The following HOXB13 variants were observed in gnomAD, a reference collection of about 807,000 sequenced individuals.
HOXB13 encodes the protein homeobox protein Hox-B13.
HOXB13 carries 22 observed loss-of-function variants against 23.1 expected under a neutral mutation model. That is an observed-to-expected ratio of 0.95 (90% CI 0.68 to 1.36). HOXB13 has a LOEUF of 1.36. Ranked by LOEUF, HOXB13 falls within the 40% of genes most tolerant of loss-of-function variation. HOXB13 has a pLI of 0.00. For synonymous variants in HOXB13, 173 were observed against 157.9 expected, an observed-to-expected ratio of 1.10 and a Z score of -0.72; for missense variants, 386 against 376.2, an observed-to-expected ratio of 1.03 and a Z score of -0.22.
rs2038235068 is a variant in HOXB13, at chr17:48,728,248, C to T, written c.346G>A (p.Ala116Thr). The change falls in exon 1 of 2, where the codon GCC becomes ACC. Residue 116 changes from alanine to threonine, a missense_variant. Transcript: ENST00000290295. ...GGGCGGCTGGGGTACTCTTCCCCGG[C>T]CGTGGGAGTCTCCGCGGGGTACGCG... ...LAAYPAETPT[A>T]GEEYPSRPTE... The T allele has an allele frequency of 6.2e-7, 1 of 1,614,064 alleles. No individual in the cohort carries two copies. The highest frequency in any genetic ancestry group is 1.1e-5 in the South Asian group (1 of 91,084).
In HOXB13 at chr17:48,726,953, A is replaced by C; in HGVS notation, c.692T>G (p.Leu231Arg). The C allele has an allele frequency of 1.2e-6, 2 of 1,613,578 alleles. No individual in the cohort carries two copies. The highest frequency in any genetic ancestry group is 2.2e-5 in the South Asian group (2 of 91,070). ...CTTGTTAGCCGCATACTCCCGCTCC[A>C]GCTCCCGCAACTGCCCCTTGCTGTA... ...IPYSKGQLRELEREYAANKFI... is the reference protein window; with the variant it reads ...IPYSKGQLREREREYAANKFI... The change falls in exon 2 of 2, where the codon CTG becomes CGG. Residue 231 changes from leucine to arginine, a missense_variant. Physicochemically the swap from Leu to Arg is moderately radical, Grantham distance 102 (BLOSUM62 -2). Coordinates refer to ENST00000290295, the MANE Select transcript of HOXB13 (RefSeq NM_006361.6).
In HOXB13 at chr17:48,728,685, G is replaced by T. The variant is rs375682349; in HGVS notation, c.-92C>A. On this transcript the variant is annotated 5_prime_UTR_variant, in exon 1 of 2. Coordinates refer to ENST00000290295, the MANE Select transcript of HOXB13 (RefSeq NM_006361.6). Reference sequence around the variant, plus strand: ...CACCCAGGCCGGGGGAATCCAAAGCGTTTTAAATCGCTCCCAGCTCGCAAG... The same window carrying T: ...CACCCAGGCCGGGGGAATCCAAAGCTTTTTAAATCGCTCCCAGCTCGCAAG... 1.1e-5 allele frequency: 14 copies of T among 1,252,886 alleles called. No homozygotes were observed. Among genetic ancestry groups the T allele is most frequent in the South Asian group, 1.4e-5 (1 of 73,272 alleles). 77.6% of individuals were successfully genotyped at this position (1,252,886 alleles called of 1,614,324 possible).
In HOXB13 at chr17:48,725,207, T is replaced by C. The variant is rs1180772508; in HGVS notation, c.*1583A>G. ...GAGCGGCGCATGTAACCGAGGACCT[T>C]AAGCTGGACCACGGGGCTTGGACGA... On this transcript the variant is annotated 3_prime_UTR_variant, in exon 2 of 2. Coordinates refer to ENST00000290295, the MANE Select transcript of HOXB13 (RefSeq NM_006361.6). 1 of 152,528 alleles carries C rather than the reference T, an allele frequency of 6.6e-6. No homozygotes were observed. Among genetic ancestry groups the C allele is most frequent in the Non-Finnish European group, 1.5e-5 (1 of 68,240 alleles). The allele number at this position is 152,528 out of a possible 1,614,324, so 9.4% of individuals were successfully genotyped here.
intron 1 of HOXB13, 138 bp from the exon 2 acceptor site, chr17:48,727,181 C>T: frequency 1.8e-6 from 2 of 1,083,636 alleles, no homozygotes; most frequent in Non-Finnish European, 2.6e-6. Flanking sequence ...AATCCTGTTC[C>T]TCCAAAGCAT....
At chr17:48,727,120 A>G in intron 1 of HOXB13, 77 bp from the exon 2 acceptor site, 1 of 1,551,866 alleles carries the variant, frequency 6.4e-7, no homozygotes, top group Non-Finnish European at 8.7e-7. Context: ...TGCAAGCCCC[A>G]AGCTAAGTCA....
rs1038248307 is a variant in HOXB13, at chr17:48,725,732, A to T, written c.*1058T>A. 6.6e-6 allele frequency: 1 copy of T among 152,264 alleles called. No individual in the cohort carries two copies. The highest frequency in any genetic ancestry group is 1.5e-5 in the Non-Finnish European group (1 of 68,118). 9.4% of individuals were successfully genotyped at this position (152,264 alleles called of 1,614,324 possible). ...GCTGCGCGGCCAGGAGATGAGTCCC[A>T]CCGGGCACTGAGCCCAGGTACAGGA... is the stretch of plus-strand genomic sequence containing the variant. On this transcript the variant is annotated 3_prime_UTR_variant, in exon 2 of 2. Coordinates refer to ENST00000290295, the MANE Select transcript of HOXB13 (RefSeq NM_006361.6).
Position 48,728,495 on chromosome 17 carries a change from C to G in HOXB13, c.99G>C (p.Leu33=), listed in dbSNP as rs570672959. The G allele has an allele frequency of 1.9e-6, 3 of 1,613,372 alleles. No individual in the cohort carries two copies. Among genetic ancestry groups the G allele is most frequent in the Admixed American group, 3.3e-5 (2 of 60,014 alleles). The part of the protein sequence containing the change: ...GGRNLVAHSP[L]TSHPAAPTLM... ...GCGTAGGCGCCGCTGGGTGGCTGGT[C>G]AGAGGGGAGTGGGCGACCAGATTCC... The change falls in exon 1 of 2, where the codon CTG becomes CTC. Residue 33 remains leucine (L), a synonymous_variant. Coordinates refer to ENST00000290295, the MANE Select transcript of HOXB13 (RefSeq NM_006361.6).
In HOXB13 at chr17:48,726,914, T is replaced by A. The variant is rs1597932732; in HGVS notation, c.731A>T (p.Asp244Val). 5.0e-6 allele frequency: 8 copies of A among 1,614,056 alleles called. No individual in the cohort carries two copies. The highest frequency in any genetic ancestry group is 6.8e-6 in the Non-Finnish European group (8 of 1,180,016). ...EYAANKFITK[D>V]KRRKISAATS... ...GGCTGCCGAGATCTTGCGCCTCTTGTCCTTGGTGATGAACTTGTTAGCCGC... is the reference window on the plus strand; with the variant it reads ...GGCTGCCGAGATCTTGCGCCTCTTGACCTTGGTGATGAACTTGTTAGCCGC... Residue 244 changes from aspartate (D) to valine (V), a missense_variant, in exon 2 of 2, where the codon GAC becomes GTC. Asp to Val is a radical substitution (Grantham distance 152, BLOSUM62 -3). Coordinates refer to ENST00000290295, the MANE Select transcript of HOXB13 (RefSeq NM_006361.6).
rs778481913 is a variant in HOXB13 at position 48,726,948 on chromosome 17, G to T, written c.697C>A (p.Arg233=). Residue 233 remains arginine, a synonymous_variant, in exon 2 of 2, where the codon CGG becomes AGG. Coordinates refer to ENST00000290295, the MANE Select transcript of HOXB13 (RefSeq NM_006361.6). ...ATGAACTTGTTAGCCGCATACTCCC[G>T]CTCCAGCTCCCGCAACTGCCCCTTG... ...YSKGQLRELE[R]EYAANKFITK... The T allele has an allele frequency of 1.2e-6, 2 of 1,613,612 alleles. No individual in the cohort carries two copies. Among genetic ancestry groups the T allele is most frequent in the Admixed American group, 1.7e-5 (1 of 60,022 alleles).
rs116931900 is a variant in HOXB13, at chr17:48,724,952, G to T, written c.*1838C>A. On this transcript the variant is annotated 3_prime_UTR_variant, in exon 2 of 2. Transcript: ENST00000290295. ...TGTGGCCTTTTTCCTCTCTCCAAGG[G>T]GTCACCCCGCACCATGCCGCTCCCC... 10,089 of 301,366 alleles carry T rather than the reference G, an allele frequency of 0.033. 237 individuals are homozygous for T. Among genetic ancestry groups the T allele is most frequent in the Non-Finnish European group, 0.04 (6,592 of 165,688 alleles). 18.7% of individuals were successfully genotyped at this position (301,366 alleles called of 1,614,324 possible).
rs1201100375 is a variant in HOXB13 at position 48,726,917 on chromosome 17, T to C, written c.728A>G (p.Lys243Arg). Reference sequence around the variant, plus strand: ...TGCCGAGATCTTGCGCCTCTTGTCCTTGGTGATGAACTTGTTAGCCGCATA... The same window carrying C: ...TGCCGAGATCTTGCGCCTCTTGTCCCTGGTGATGAACTTGTTAGCCGCATA... ...REYAANKFIT[K>R]DKRRKISAAT... is the part of the protein sequence containing the mutation. Residue 243 changes from lysine to arginine, a missense_variant, in exon 2 of 2, where the codon AAG (lysine) becomes AGG (arginine). By Grantham distance (26) the Lys-to-Arg change is conservative. Coordinates refer to ENST00000290295, the MANE Select transcript of HOXB13 (RefSeq NM_006361.6). 8 of 1,614,024 alleles carry C rather than the reference T, an allele frequency of 5.0e-6. No homozygotes were observed. Among genetic ancestry groups the C allele is most frequent in the South Asian group, 2.2e-5 (2 of 91,058 alleles).
chr17:48,728,521 GC>G lies in HOXB13; in HGVS notation c.72del (p.Arg25GlyfsTer9), dbSNP rs1214089646. 1 of 1,613,166 alleles carries G rather than the reference GC, an allele frequency of 6.2e-7. No individual in the cohort carries two copies. Among genetic ancestry groups the G allele is most frequent in the Non-Finnish European group, 8.5e-7 (1 of 1,179,916 alleles). Reference protein sequence around the residue: ...DIEGLLGAGGGRNLVAHSPLT... With the variant: ...DIEGLLGAGGXRNLVAHSPLT... Reference sequence around the variant, plus strand: ...AGAGGGGAGTGGGCGACCAGATTCCGCCCCCCTCCCGCTCCCAGCAAGCCTT... The same window carrying G: ...AGAGGGGAGTGGGCGACCAGATTCCGCCCCCTCCCGCTCCCAGCAAGCCTT... On this transcript the variant is annotated frameshift_variant, in exon 1 of 2. Coordinates refer to ENST00000290295, the MANE Select transcript of HOXB13 (RefSeq NM_006361.6). LOFTEE classifies it high-confidence loss of function.
Position 48,726,797 on chromosome 17 carries a change from G to T in HOXB13, c.848C>A (p.Thr283Asn). 2 of 1,614,098 alleles carry T rather than the reference G, an allele frequency of 1.2e-6. No individual in the cohort carries two copies. Reference sequence around the variant, plus strand: ...CCCAGGCAAGGAGATCTCTTAAGGGGTAGCGCTGTTCTTCACCTTGGCGAG... The same window carrying T: ...CCCAGGCAAGGAGATCTCTTAAGGGTTAGCGCTGTTCTTCACCTTGGCGAG... ...KVLAKVKNSATP is the reference protein window; with the variant it reads ...KVLAKVKNSANP Residue 283 changes from threonine to asparagine, a missense_variant, in exon 2 of 2, where the codon ACC becomes AAC. Coordinates refer to ENST00000290295, the MANE Select transcript of HOXB13 (RefSeq NM_006361.6).
In HOXB13 at chr17:48,728,243, C is replaced by G. The variant is rs1597934408; in HGVS notation, c.351G>C (p.Gly117=). ...CAGTGGGGCGGCTGGGGTACTCTTCCCCGGCCGTGGGAGTCTCCGCGGGGT... is the reference window on the plus strand; with the variant it reads ...CAGTGGGGCGGCTGGGGTACTCTTCGCCGGCCGTGGGAGTCTCCGCGGGGT... ...AAYPAETPTA[G]EEYPSRPTEF... The change falls in exon 1 of 2, where the codon GGG becomes GGC. Residue 117 remains glycine, a synonymous_variant. Coordinates refer to ENST00000290295, the MANE Select transcript of HOXB13 (RefSeq NM_006361.6). The G allele has an allele frequency of 1.9e-6, 3 of 1,614,192 alleles. No homozygotes were observed. In the South Asian group the frequency reaches 3.3e-5, roughly 18 times the overall value.
Position 48,726,731 on chromosome 17 carries a change from T to G in HOXB13, c.*59A>C. On this transcript the variant is annotated 3_prime_UTR_variant, in exon 2 of 2. Transcript: ENST00000290295. ...TTGGCCCCAGCCTGGGCTTGGCAGG[T>G]TCCTGGTCTCCCCAGGACACCCCCA... The G allele has an allele frequency of 6.3e-7, 1 of 1,588,586 alleles. No individual in the cohort carries two copies. Among genetic ancestry groups the G allele is most frequent in the Non-Finnish European group, 8.6e-7 (1 of 1,165,832 alleles).
chr17:48,727,115 G>T (rs959627522), intron 1 of HOXB13, 72 bp from the exon 2 acceptor site: 76 of 1,563,214 alleles, frequency 4.9e-5, no homozygotes, highest in Non-Finnish European at 6.2e-5. Context: ...GGCCTTGCAA[G>T]CCCCAAGCTA....
rs35033273 is a variant in HOXB13 at position 48,728,120 on chromosome 17, C to T, written c.474G>A (p.Pro158=). The T allele has an allele frequency of 8.2e-5, 133 of 1,614,226 alleles. 1 individual carries two copies. The African/African-American group carries it at 1.6e-3, about 19-fold the overall frequency. ...CCACAGGCAACAGGGAGTCATGTCG[C>T]GGTTCTCCAGGAGCACCCAGAGTCT... ...VVQTLGAPGE[P]RHDSLLPVDS... Residue 158 remains proline, a synonymous_variant, in exon 1 of 2, where the codon CCG becomes CCA. Transcript: ENST00000290295.
At position 48,728,410 on chromosome 17, in the gene HOXB13, GC is replaced by G. The variant is rs1407842297; in HGVS notation, c.183del (p.Lys61AsnfsTer37). ...LDLPGSAEPP[K>X]QCHPCPGVPQ... ...GGCACCCCAGGGCATGGGTGGCATT[GC>G]TTTGGCGGCTCCGCCGAGCCTGGCA... On this transcript the variant is annotated frameshift_variant, in exon 1 of 2. Transcript: ENST00000290295. LOFTEE classifies it high-confidence loss of function. The G allele has an allele frequency of 1.2e-6, 2 of 1,613,620 alleles. No homozygotes were observed. The highest frequency in any genetic ancestry group is 2.2e-5 in the South Asian group (2 of 91,058).
chr17:48,728,525 C>G lies in HOXB13; in HGVS notation c.69G>C (p.Gly23=). The change falls in exon 1 of 2, where the codon GGG becomes GGC. Residue 23 remains glycine, a synonymous_variant. Coordinates refer to ENST00000290295, the MANE Select transcript of HOXB13 (RefSeq NM_006361.6). ...KDIEGLLGAG[G]GRNLVAHSPL... ...GGGAGTGGGCGACCAGATTCCGCCC[C>G]CCTCCCGCTCCCAGCAAGCCTTCGA... is the stretch of plus-strand genomic sequence containing the variant. The G allele has an allele frequency of 6.2e-7, 1 of 1,613,238 alleles. No individual in the cohort carries two copies. The highest frequency in any genetic ancestry group is 8.5e-7 in the Non-Finnish European group (1 of 1,179,944).
Sources: allele counts gnomAD v4.1 joint callset, GRCh38; gene constraint gnomAD v4.1.1; transcripts MANE v1.5; gene names NCBI Gene and HGNC (gene_info 2026-07-23, HGNC 2026-07-21).